Variants in DDHD1 observed in about 807,000 individuals in gnomAD.
The protein encoded by DDHD1 is phospholipase DDHD1.
A neutral mutation model predicts 96.4 loss-of-function variants in DDHD1; 49 were observed. The ratio of observed to expected loss-of-function variants is 0.51; its 90% CI spans 0.40 to 0.64. The LOEUF is 0.64. Ranked by LOEUF, DDHD1 falls within the 30% of genes least tolerant of loss-of-function variation. The pLI, the probability that DDHD1 is intolerant of heterozygous loss-of-function variation, is 0.00. For missense variants in DDHD1, 1,106 were observed against 1,161.2 expected (o/e 0.95, Z 0.69); for synonymous variants, 442 against 446.5 (o/e 0.99, Z 0.13).
In DDHD1 at chr14:53,072,754, C is replaced by G. The variant is rs185354550; in HGVS notation, c.1397-51G>C. The G allele has an allele frequency of 6.1e-3, 7,671 of 1,251,788 alleles. 44 individuals carry two copies. The highest frequency in any genetic ancestry group is 7.3e-3 in the Non-Finnish European group (6,421 of 874,800). 77.5% of individuals were successfully genotyped at this position (1,251,788 alleles called of 1,614,324 possible). A position where few individuals can be genotyped will look rare whatever the true frequency, so the allele number is the denominator to read the frequency against. On this transcript the variant is annotated intron_variant, in intron 5 of 12. Coordinates refer to ENST00000673822, the MANE Select transcript of DDHD1 (RefSeq NM_001160148.2). ...GTTAACTTATAGAAAGTCTCTGTTA[C>G]AGGAAAGTAATAGTGAAGAAAATTA...
intron 1 of DDHD1, among the ~76,000 whole-genome samples, chr14:53,116,407 T>A (rs1888546777): frequency 6.6e-6 from 1 of 152,114 alleles, no homozygotes; most frequent in Admixed American, 6.5e-5. Context: ...TCCACCCCAA[T>A]CAACAGAATA....
chr14:53,099,445 G>T (rs990640528), intron 2 of DDHD1, among the ~76,000 whole-genome samples: 1 of 151,990 alleles, frequency 6.6e-6, no homozygotes, highest in African/African-American at 2.4e-5. Context: ...ATATTTACTT[G>T]TCTTTCATGA....
intron 10 of DDHD1, among the ~76,000 whole-genome samples, 173 bp from the exon 11 acceptor site, chr14:53,054,802 G>C (rs1882898601): frequency 6.6e-6 from 1 of 152,102 alleles, no homozygotes; most frequent in Admixed American, 6.5e-5. Context: ...AAATAAAAAT[G>C]GTGAATAGAA....
chr14:53,108,151 C>G (rs190690925), intron 1 of DDHD1, among the ~76,000 whole-genome samples: 1 of 152,196 alleles, frequency 6.6e-6, no homozygotes, highest in African/African-American at 2.4e-5. Flanking sequence ...TTGCCACCAT[C>G]GCAGACCTGC....
intron 12 of DDHD1, among the ~76,000 whole-genome samples, chr14:53,049,191 TCA>T (rs1447824733): frequency 6.6e-6 from 1 of 152,212 alleles, no homozygotes; most frequent in African/African-American, 2.4e-5. Flanking sequence ...TATCATTTTA[TCA>T]CTTAAAGGGA....
chr14:53,116,469 G>A (rs1888550834), intron 1 of DDHD1, among the ~76,000 whole-genome samples: 1 of 152,072 alleles, frequency 6.6e-6, no homozygotes, highest in Non-Finnish European at 1.5e-5. Flanking sequence ...CCACATAATT[G>A]GAAGTAAAAC....
At chr14:53,059,648 G>A (rs1883369416) in intron 8 of DDHD1, among the ~76,000 whole-genome samples, 1 of 148,424 alleles carries the variant, frequency 6.7e-6, no homozygotes. Flanking sequence ...GGCGGATCAC[G>A]AGGTCAGGAG....
intron 2 of DDHD1, among the ~76,000 whole-genome samples, chr14:53,102,704 A>C (rs531221224): frequency 6.6e-6 from 1 of 151,798 alleles, no homozygotes; most frequent in South Asian, 2.1e-4. Context: ...ATGGAGTGTT[A>C]CTAACAAGAA....
intron 6 of DDHD1, among the ~76,000 whole-genome samples, chr14:53,068,821 T>C (rs1281240397): frequency 6.6e-6 from 1 of 152,190 alleles, no homozygotes; most frequent in African/African-American, 2.4e-5. Context: ...CATGTAAATA[T>C]CCTGCTCCTC....
At chr14:53,048,199 C>T (rs918223328) in intron 12 of DDHD1, among the ~76,000 whole-genome samples, 1 of 152,140 alleles carries the variant, frequency 6.6e-6, no homozygotes, top group South Asian at 2.1e-4. Context: ...TTAAACTATG[C>T]TCTTCTTACA....
At chr14:53,139,979 T>G (rs1392266653) in intron 1 of DDHD1, among the ~76,000 whole-genome samples, 1 of 151,898 alleles carries the variant, frequency 6.6e-6, no homozygotes, top group Non-Finnish European at 1.5e-5. Context: ...TATAATTAGA[T>G]GAGAAATTTC....
chr14:53,077,446 A>G (rs1885068973), intron 4 of DDHD1, among the ~76,000 whole-genome samples: 1 of 152,196 alleles, frequency 6.6e-6, no homozygotes, highest in Non-Finnish European at 1.5e-5. Context: ...AATCTAGAAA[A>G]GGTAGGATAA....
intron 2 of DDHD1, among the ~76,000 whole-genome samples, chr14:53,099,839 T>C (rs989146220): frequency 5.4e-4 from 83 of 152,338 alleles, no homozygotes; most frequent in African/African-American, 1.9e-3. Flanking sequence ...GAGAACTAAA[T>C]TTAGATTAAA....
intron 1 of DDHD1, among the ~76,000 whole-genome samples, chr14:53,113,047 C>G (rs1232556130): frequency 6.6e-6 from 1 of 152,052 alleles, no homozygotes; most frequent in African/African-American, 2.4e-5. Context: ...GCAACCTCCA[C>G]CTCCCAGGTT....
intron 2 of DDHD1, among the ~76,000 whole-genome samples, chr14:53,099,619 T>C (rs1012602786): frequency 2.6e-5 from 4 of 152,198 alleles, no homozygotes; most frequent in Non-Finnish European, 2.9e-5. Context: ...CTATGCATGT[T>C]TGGATCAATA....
chr14:53,066,555 T>A (rs929387608), intron 6 of DDHD1, among the ~76,000 whole-genome samples: 10 of 152,208 alleles, frequency 6.6e-5, no homozygotes, highest in African/African-American at 2.4e-4. Context: ...TGTGACTTAG[T>A]CCTAATCATT....
chr14:53,074,178 A>C (rs1034962586), intron 4 of DDHD1, among the ~76,000 whole-genome samples: 1 of 152,026 alleles, frequency 6.6e-6, no homozygotes, highest in Non-Finnish European at 1.5e-5. Flanking sequence ...TTAGCAAGTC[A>C]TGCCCTATCT....
intron 1 of DDHD1, among the ~76,000 whole-genome samples, chr14:53,139,048 T>G: frequency 7.6e-6 from 1 of 132,274 alleles, no homozygotes. Flanking sequence ...TAAAGAACCA[T>G]AGCAGCTGGG....
Position 53,105,542 on chromosome 14 carries a change from T to C in DDHD1, c.839-1686A>G, listed in dbSNP as rs140629203. Among the ~76,000 whole-genome samples the C allele has an allele frequency of 2.5e-3, 377 of 152,326 alleles. 2 individuals carry two copies. The highest frequency in any genetic ancestry group is 8.8e-3 in the African/African-American group (365 of 41,584). ...GAATTATGGCTTTAACCATTATAAATATACTCTGTCATACTGAATAGTTTT... is the reference window on the plus strand; with the variant it reads ...GAATTATGGCTTTAACCATTATAAACATACTCTGTCATACTGAATAGTTTT... On this transcript the variant is annotated intron_variant, in intron 1 of 12. Transcript: ENST00000673822.
Sources: allele counts gnomAD v4.1 joint callset (sites outside exome capture counted in the v4.1 genomes callset), GRCh38; gene constraint gnomAD v4.1.1; transcripts MANE v1.5; gene names NCBI Gene and HGNC (gene_info 2026-07-23, HGNC 2026-07-21).